CHRNB4: variants seen among roughly 807,000 people sequenced by gnomAD.
CHRNB4 encodes neuronal acetylcholine receptor subunit beta-4.
In CHRNB4, 23 loss-of-function variants were observed where a neutral mutation model predicts 40.4. The ratio of observed to expected loss-of-function variants is 0.57; its 90% CI spans 0.41 to 0.81. CHRNB4 has a LOEUF of 0.81. CHRNB4 is among the 30% of genes least tolerant of loss of function. The probability of loss-of-function intolerance (pLI) is 0.00; values close to 1 mark genes in which losing one functional copy is unlikely to be tolerated. For synonymous variants in CHRNB4, 285 were observed against 274.4 expected, an observed-to-expected ratio of 1.04 and a Z score of -0.38; for missense variants, 568 against 670.6, an observed-to-expected ratio of 0.85 and a Z score of 1.69.
In CHRNB4 at chr15:78,635,680, G is replaced by A. The variant is rs142966768; in HGVS notation, c.56-93C>T. On this transcript the variant is annotated intron_variant, in intron 1 of 5. Transcript: ENST00000261751. ...CAGGGAGAGCTGAGAGGGAGCACAGGTGCCCTTAGGGCTGGCTGAAGCAGC... is the reference window on the plus strand; with the variant it reads ...CAGGGAGAGCTGAGAGGGAGCACAGATGCCCTTAGGGCTGGCTGAAGCAGC... 6.3e-5 allele frequency: 98 copies of A among 1,553,042 alleles called. 2 individuals are homozygous for A. In the East Asian group the frequency reaches 2.2e-3, roughly 34 times the overall value.
chr15:78,648,196 A>G (rs548290686), intron 7 of CHRNB4, among the ~76,000 whole-genome samples: 51 of 152,028 alleles, frequency 3.4e-4, no homozygotes, highest in Middle Eastern at 6.8e-3. Flanking sequence ...GATCAAGACC[A>G]TCCTGGCTAA....
At chr15:78,661,593 G>GGATGTCAACTCCCATGATGGCGCC, upstream of CHRNB4, 2 of 513,222 alleles carry the variant, frequency 3.9e-6, no homozygotes, top group South Asian at 3.0e-5. Context: ...TTGTTGGGGC[G>GGATGTCAACTCCCATGATGGCGCC]GATGTCAACT....
At chr15:78,638,630 G>GT (rs1181233902) in intron 1 of CHRNB4, among the ~76,000 whole-genome samples, 3 of 152,072 alleles carry the variant, frequency 2.0e-5, no homozygotes, top group Admixed American at 6.5e-5. Flanking sequence ...CGGGGGGCCG[G>GT]GGGGGTGGTG....
intron 6 of CHRNB4, among the ~76,000 whole-genome samples, chr15:78,652,386 T>C (rs1427120393): frequency 1.3e-5 from 2 of 152,216 alleles, no homozygotes; most frequent in East Asian, 1.9e-4. Flanking sequence ...GCCAGTAGCA[T>C]TGGTGGCTCT....
intron 5 of CHRNB4, chr15:78,626,537 G>A (rs1257609041): frequency 6.6e-6 from 1 of 152,284 alleles, no homozygotes; most frequent in Non-Finnish European, 1.5e-5. Flanking sequence ...CCATAAGAAA[G>A]TCAATCAACC....
intron 1 of CHRNB4, among the ~76,000 whole-genome samples, chr15:78,660,093 G>A (rs1423187589): frequency 1.3e-5 from 2 of 152,016 alleles, no homozygotes; most frequent in Non-Finnish European, 2.9e-5. Flanking sequence ...TGTAATCCCA[G>A]CTACTCAGGA....
intron 2 of CHRNB4, 32 bp from the exon 3 acceptor site, chr15:78,631,364 A>G: frequency 2.5e-6 from 4 of 1,606,442 alleles, no homozygotes; most frequent in Non-Finnish European, 3.4e-6. Flanking sequence ...TCAGTTCACC[A>G]GGAAGGAGGA....
At chr15:78,627,382 T>G (rs894325854) in intron 5 of CHRNB4, 1 of 152,064 alleles carries the variant, frequency 6.6e-6, no homozygotes, top group African/African-American at 2.4e-5. Context: ...ATGCCGGTGC[T>G]GCTGGTCCAA....
upstream of CHRNB4, chr15:78,661,615 G>T: frequency 4.1e-6 from 2 of 493,312 alleles, no homozygotes. Context: ...CCATGATGGC[G>T]CCTCCTGCTC....
At position 78,635,551 on chromosome 15, in the gene CHRNB4, A is replaced by T; in HGVS notation, c.92T>A (p.Met31Lys). The part of the protein sequence containing the change: ...CRVANAEEKL[M>K]DDLLNKTRYN... ...ACGGGTTTTGTTCAGAAGGTCGTCC[A>T]TCAGCTTTTCCTCCGCATTGGCCAC... is the stretch of plus-strand genomic sequence containing the variant. The change falls in exon 2 of 6, where the codon ATG (methionine) becomes AAG (lysine). Residue 31 changes from methionine (M) to lysine (K), a missense_variant. By Grantham distance (95) the Met-to-Lys change is moderately conservative (BLOSUM62 -1). Transcript: ENST00000261751. 1.2e-6 allele frequency: 2 copies of T among 1,614,128 alleles called. No homozygotes were observed. Among genetic ancestry groups the T allele is most frequent in the Non-Finnish European group, 1.7e-6 (2 of 1,180,018 alleles).
At chr15:78,661,552 TG>T, upstream of CHRNB4, 1 of 538,214 alleles carries the variant, frequency 1.9e-6, no homozygotes, top group Non-Finnish European at 3.7e-6. Context: ...TCCCGGCTCT[TG>T]GGCTCCTTGC....
At chr15:78,637,555 T>G (rs1482880510) in intron 1 of CHRNB4, among the ~76,000 whole-genome samples, 1 of 152,098 alleles carries the variant, frequency 6.6e-6, no homozygotes, top group African/African-American at 2.4e-5. Context: ...AGGAGTCGAT[T>G]ACATCTTCCT....
At chr15:78,641,550 A>G (rs1006986764), upstream of CHRNB4, among the ~76,000 whole-genome samples, 2 of 152,102 alleles carry the variant, frequency 1.3e-5, no homozygotes, top group Non-Finnish European at 2.9e-5. Flanking sequence ...GCCTTCCCTC[A>G]CCTCGAAGAC....
intron 1 of CHRNB4, among the ~76,000 whole-genome samples, chr15:78,639,126 A>G (rs549372481): frequency 6.6e-6 from 1 of 152,354 alleles, no homozygotes; most frequent in East Asian, 1.9e-4. Context: ...TGTATTGAAA[A>G]AATGGAAAGA....
chr15:78,627,119 G>A (rs1217885856), intron 5 of CHRNB4: 1 of 152,364 alleles, frequency 6.6e-6, no homozygotes, highest in Admixed American at 6.5e-5. Context: ...TTAGCCAGCA[G>A]GGCCCCAGGC....
At chr15:78,643,603 C>T (rs2054099763), upstream of CHRNB4, among the ~76,000 whole-genome samples, 1 of 151,532 alleles carries the variant, frequency 6.6e-6, no homozygotes, top group South Asian at 2.1e-4. Flanking sequence ...TATGAGATGC[C>T]CAACATCAGA....
intron 2 of CHRNB4, among the ~76,000 whole-genome samples, chr15:78,635,162 G>GA (rs1471128564): frequency 6.6e-6 from 1 of 152,206 alleles, no homozygotes; most frequent in Admixed American, 6.5e-5. Context: ...TCATGCTGGA[G>GA]ACCCAGCTGA....
chr15:78,661,295 G>C (rs566293323), upstream of CHRNB4: 1 of 597,352 alleles, frequency 1.7e-6, no homozygotes, highest in Non-Finnish European at 3.3e-6. Flanking sequence ...AGCCCGGCTG[G>C]TCACACACAG....
At chr15:78,655,750 C>T (rs2061354732) in intron 4 of CHRNB4, 1 of 151,822 alleles carries the variant, frequency 6.6e-6, no homozygotes, top group African/African-American at 2.4e-5. Flanking sequence ...TTTTCAAATT[C>T]TGAAAAAAAG....
Sources: allele counts gnomAD v4.1 joint callset (sites outside exome capture counted in the v4.1 genomes callset), GRCh38; gene constraint gnomAD v4.1.1; transcripts MANE v1.5; gene names NCBI Gene and HGNC (gene_info 2026-07-23, HGNC 2026-07-21).